Variants in GSE1 observed in about 807,000 individuals in gnomAD.
GSE1 encodes genetic suppressor element 1.
Under a neutral mutation model 112.6 loss-of-function variants are expected in GSE1, and 32 were observed. The observed-to-expected ratio is 0.28, with a 90% confidence interval of 0.21 to 0.38. The LOEUF (loss-of-function observed/expected upper bound fraction) is 0.38. Among genes scored for constraint, GSE1 ranks in the 10% least tolerant of loss-of-function variants. The pLI, the probability that GSE1 is intolerant of heterozygous loss-of-function variation, is 1.00. For synonymous variants in GSE1, 1,115 were observed against 735.6 expected, an observed-to-expected ratio of 1.52 and a Z score of -8.35; for missense variants, 2,348 against 1,699.2, an observed-to-expected ratio of 1.38 and a Z score of -6.71.
chr16:85,478,914 T>C (rs2050572880), intron 2 of GSE1, among the ~76,000 whole-genome samples: 4 of 57,788 alleles, frequency 6.9e-5, no homozygotes, highest in African/African-American at 3.8e-4. Context: ...TTTCTTTCTT[T>C]CTTTCTTTCT....
At chr16:85,170,896 G>T in exon 1 of GSE1, 1 of 985,580 alleles carries the variant, frequency 1.0e-6, no homozygotes, top group Non-Finnish European at 1.2e-6. Context: ...CCACGCCCCC[G>T]GCATGGCCTC....
upstream of GSE1, among the ~76,000 whole-genome samples, chr16:85,552,985 A>C (rs938494177): frequency 1.3e-5 from 2 of 152,280 alleles, no homozygotes; most frequent in Admixed American, 6.5e-5. Flanking sequence ...ATCCCGGAGA[A>C]TTAAAAACCA....
At chr16:85,506,811 T>C (rs1208342611) in intron 2 of GSE1, among the ~76,000 whole-genome samples, 1 of 152,150 alleles carries the variant, frequency 6.6e-6, no homozygotes, top group Non-Finnish European at 1.5e-5. Context: ...GAAGTGATCA[T>C]AGCAGACGAA....
At chr16:85,577,693 AG>A (rs2046284305) in intron 1 of GSE1, among the ~76,000 whole-genome samples, 3 of 152,094 alleles carry the variant, frequency 2.0e-5, no homozygotes, top group African/African-American at 7.2e-5. Flanking sequence ...CATCCTAGGA[AG>A]GGGTGGCCTG....
chr16:85,496,215 C>A (rs568630786), intron 2 of GSE1, among the ~76,000 whole-genome samples: 20 of 152,334 alleles, frequency 1.3e-4, no homozygotes, highest in African/African-American at 4.8e-4. Flanking sequence ...AATGGCAATT[C>A]CCAGAACCAT....
chr16:85,559,055 G>A (rs1015594267), intron 1 of GSE1, among the ~76,000 whole-genome samples: 2 of 152,086 alleles, frequency 1.3e-5, no homozygotes, highest in South Asian at 2.1e-4. Flanking sequence ...ATGGGGTTTC[G>A]CCATGTTGGC....
At chr16:85,260,401 G>T (rs1907564783) in intron 1 of GSE1, among the ~76,000 whole-genome samples, 1 of 130,704 alleles carries the variant, frequency 7.7e-6, no homozygotes, top group African/African-American at 3.0e-5. Context: ...TTGGCTCACT[G>T]CAATTCTACC....
At chr16:85,299,266 G>A (rs992416818) in intron 1 of GSE1, among the ~76,000 whole-genome samples, 2 of 152,254 alleles carry the variant, frequency 1.3e-5, no homozygotes, top group African/African-American at 4.8e-5. Context: ...AATGCGCCAG[G>A]TGCTGGATCT....
intron 2 of GSE1, among the ~76,000 whole-genome samples, chr16:85,450,263 C>CGCCCGCT (rs2049638264): frequency 6.6e-6 from 1 of 151,048 alleles, no homozygotes. Context: ...GGATTACAGG[C>CGCCCGCT]ATATGCCACC....
intron 2 of GSE1, among the ~76,000 whole-genome samples, chr16:85,644,130 C>T (rs1001272680): frequency 2.6e-5 from 4 of 151,974 alleles, no homozygotes; most frequent in Middle Eastern, 3.2e-3. Flanking sequence ...GAGTTTGAGA[C>T]CATCCTGGGC....
intron 2 of GSE1, among the ~76,000 whole-genome samples, chr16:85,415,823 A>G (rs1013636291): frequency 1.3e-5 from 2 of 152,168 alleles, no homozygotes; most frequent in African/African-American, 4.8e-5. Context: ...ATTGTAGGCT[A>G]TTTACAGTGT....
intron 2 of GSE1, among the ~76,000 whole-genome samples, chr16:85,534,649 C>T (rs1474930913): frequency 6.6e-6 from 1 of 152,172 alleles, no homozygotes; most frequent in Non-Finnish European, 1.5e-5. Flanking sequence ...TCGTGTCCGC[C>T]TCTTGGCCGC....
At chr16:85,222,847 C>T (rs1218941249) in intron 1 of GSE1, among the ~76,000 whole-genome samples, 2 of 152,204 alleles carry the variant, frequency 1.3e-5, no homozygotes, top group African/African-American at 2.4e-5. Flanking sequence ...AGTTTGGATC[C>T]ATGCGGAGCT....
At chr16:85,431,586 G>A (rs1280188384) in intron 2 of GSE1, among the ~76,000 whole-genome samples, 2 of 152,180 alleles carry the variant, frequency 1.3e-5, no homozygotes, top group Admixed American at 6.5e-5. Context: ...GGTGGTGGCC[G>A]TGGCAGCCTC....
chr16:85,652,864 T>C (rs1187484934), intron 3 of GSE1, among the ~76,000 whole-genome samples: 1 of 151,980 alleles, frequency 6.6e-6, no homozygotes, highest in African/African-American at 2.4e-5. Context: ...GTTTGGCATT[T>C]CGTGGCTCAG....
intron 1 of GSE1, among the ~76,000 whole-genome samples, chr16:85,620,842 G>T (rs527453939): frequency 1.1e-4 from 17 of 151,848 alleles, no homozygotes; most frequent in African/African-American, 4.1e-4. Context: ...CGTGTAGATG[G>T]TCTTGGCCAT....
intron 2 of GSE1, among the ~76,000 whole-genome samples, chr16:85,465,461 C>T (rs561714654): frequency 1.0e-3 from 159 of 152,376 alleles, no homozygotes; most frequent in African/African-American, 3.4e-3. Flanking sequence ...TTCTCCCATT[C>T]GTTCCATGGG....
At chr16:85,485,775 C>T (rs1366634340) in intron 2 of GSE1, among the ~76,000 whole-genome samples, 2 of 150,776 alleles carry the variant, frequency 1.3e-5, no homozygotes, top group African/African-American at 5.0e-5. Context: ...TGATGCCACC[C>T]TCCCTAGGGA....
chr16:85,252,933 C>G (rs1282166509), intron 1 of GSE1, among the ~76,000 whole-genome samples: 1 of 152,158 alleles, frequency 6.6e-6, no homozygotes, highest in Non-Finnish European at 1.5e-5. Flanking sequence ...GGAGCTGACA[C>G]ATGCCCACAG....
Sources: allele counts gnomAD v4.1 joint callset (sites outside exome capture counted in the v4.1 genomes callset), GRCh38; gene constraint gnomAD v4.1.1; transcripts MANE v1.5; gene names NCBI Gene and HGNC (gene_info 2026-07-23, HGNC 2026-07-21).